ZNF875: variants seen among roughly 807,000 people sequenced by gnomAD.
The protein encoded by ZNF875 is HKR1, GLI-Kruppel zinc finger family member.
Under a neutral mutation model 11.2 loss-of-function variants are expected in ZNF875, and 14 were observed. The observed-to-expected ratio is 1.26, with a 90% CI of 0.83 to 1.96. The LOEUF is 1.96. Ranked by LOEUF, ZNF875 falls within the 30% of genes most tolerant of loss-of-function variation. The pLI, the probability that ZNF875 is intolerant of heterozygous loss-of-function variation, is 0.00. For synonymous variants in ZNF875, 301 were observed against 281.1 expected (o/e 1.07, Z -0.71); for missense variants, 752 against 760.4 (o/e 0.99, Z 0.13).
chr19:37,314,599 G>A (rs781222345), upstream of ZNF875, among the ~76,000 whole-genome samples: 4 of 151,492 alleles, frequency 2.6e-5, no homozygotes, highest in African/African-American at 9.7e-5. Context: ...AAAAGGTGGG[G>A]GACTCACTTG....
intron 2 of ZNF875, among the ~76,000 whole-genome samples, chr19:37,336,605 T>G (rs1247972217): frequency 6.6e-6 from 1 of 151,214 alleles, no homozygotes; most frequent in African/African-American, 2.4e-5. Flanking sequence ...CGGCTACCTA[T>G]GCATATTTAA....
exon 1 of ZNF875, chr19:37,317,932 G>A (rs1199285163): frequency 6.5e-6 from 1 of 154,912 alleles, no homozygotes; most frequent in Non-Finnish European, 1.4e-5. Flanking sequence ...TGGCGTCCGA[G>A]TGCACAGTGG....
chr19:37,339,564 T>TC (rs11454274), intron 2 of ZNF875, among the ~76,000 whole-genome samples: 3 of 148,472 alleles, frequency 2.0e-5, no homozygotes, highest in Non-Finnish European at 4.5e-5. Flanking sequence ...TTTTTTTTTT[T>TC]GAGACAGAGT....
chr19:37,335,089 G>A, intron 1 of ZNF875, 80 bp from the exon 2 acceptor site: 1 of 630,814 alleles, frequency 1.6e-6, no homozygotes, highest in East Asian at 2.9e-5. Flanking sequence ...CCAACTGTGG[G>A]GCTCTGGAGC....
intron 4 of ZNF875, among the ~76,000 whole-genome samples, chr19:37,356,334 T>G (rs566304738): frequency 9.8e-5 from 15 of 152,328 alleles, no homozygotes; most frequent in African/African-American, 3.6e-4. Flanking sequence ...CTTGAGAAAT[T>G]TCCATACTGT....
In ZNF875 at chr19:37,319,618, T is replaced by G. The variant is rs544196013; in HGVS notation, c.-747+1432T>G. 1.3e-4 allele frequency among the ~76,000 whole-genome samples: 20 copies of G among 152,154 alleles called. No individual in the cohort carries two copies. In the South Asian group the frequency reaches 4.1e-3, roughly 32 times the overall value. On this transcript the variant is annotated intron_variant, in intron 1 of 5. Coordinates refer to the ZNF875 transcript ENST00000544914. ...AAATTAAGCTATGTTTTTGTGGTTA[T>G]GTGAGAGCTGTGGAAATGTCCAGCA...
intron 1 of ZNF875, among the ~76,000 whole-genome samples, chr19:37,321,886 G>GA (rs2031542053): frequency 6.6e-6 from 1 of 152,150 alleles, no homozygotes; most frequent in Non-Finnish European, 1.5e-5. Flanking sequence ...TAATATGTCA[G>GA]AAAAAATTAA....
intron 2 of ZNF875, among the ~76,000 whole-genome samples, chr19:37,322,683 C>T (rs2145694591): frequency 6.6e-6 from 1 of 152,248 alleles, no homozygotes; most frequent in African/African-American, 2.4e-5. Flanking sequence ...AAGTGCCTGG[C>T]CCTTGTCTGG....
upstream of ZNF875, among the ~76,000 whole-genome samples, chr19:37,314,706 G>A (rs1207184402): frequency 2.0e-5 from 3 of 149,470 alleles, no homozygotes; most frequent in South Asian, 2.1e-4. Context: ...AGCTGAGATC[G>A]TGCCACTGCA....
intron 2 of ZNF875, among the ~76,000 whole-genome samples, chr19:37,344,332 C>T (rs943627494): frequency 6.6e-6 from 1 of 152,144 alleles, no homozygotes; most frequent in African/African-American, 2.4e-5. Context: ...CCCGCAATTT[C>T]TGATTCAGTA....
At chr19:37,322,544 G>C (rs192177122) in intron 2 of ZNF875, among the ~76,000 whole-genome samples, 7 of 152,280 alleles carry the variant, frequency 4.6e-5, no homozygotes, top group Admixed American at 3.9e-4. Flanking sequence ...ATATGCCTGG[G>C]ACTCTGGCTT....
intron 1 of ZNF875, among the ~76,000 whole-genome samples, chr19:37,321,127 G>A (rs1454094746): frequency 6.6e-6 from 1 of 152,092 alleles, no homozygotes; most frequent in East Asian, 1.9e-4. Context: ...TATTGTCCAA[G>A]GTTTCTCCCC....
At chr19:37,361,318 C>T (rs2039874064) in intron 4 of ZNF875, among the ~76,000 whole-genome samples, 1 of 152,074 alleles carries the variant, frequency 6.6e-6, no homozygotes, top group African/African-American at 2.4e-5. Context: ...GCCATGTTGG[C>T]CAGGATGGTC....
chr19:37,321,537 A>G (rs990592497), intron 1 of ZNF875, among the ~76,000 whole-genome samples: 1 of 152,168 alleles, frequency 6.6e-6, no homozygotes, highest in African/African-American at 2.4e-5. Flanking sequence ...CAGTGCCAGC[A>G]TGGGTCCTCT....
chr19:37,316,409 G>A (rs2030192029), upstream of ZNF875, among the ~76,000 whole-genome samples: 1 of 152,074 alleles, frequency 6.6e-6, no homozygotes, highest in African/African-American at 2.4e-5. Flanking sequence ...CGATCCTCTC[G>A]CCCAGGCTGG....
At chr19:37,330,195 TC>T (rs2033160479), upstream of ZNF875, among the ~76,000 whole-genome samples, 1 of 152,234 alleles carries the variant, frequency 6.6e-6, no homozygotes, top group Non-Finnish European at 1.5e-5. Context: ...TTATGATTTT[TC>T]CATACAGTGT....
upstream of ZNF875, among the ~76,000 whole-genome samples, chr19:37,331,910 G>A (rs1421864372): frequency 4.5e-5 from 6 of 132,664 alleles, no homozygotes; most frequent in African/African-American, 1.3e-4. Context: ...TCTCCTGCCC[G>A]TCCCTGGGCA....
intron 4 of ZNF875, among the ~76,000 whole-genome samples, chr19:37,348,584 T>C (rs561812705): frequency 1.7e-4 from 26 of 152,360 alleles, no homozygotes; most frequent in African/African-American, 5.3e-4. Context: ...TTTTGTACTA[T>C]GTTGGTATAT....
rs58161350 is a variant in ZNF875 at position 37,319,341 on chromosome 19, C to T, written c.-747+1155C>T. 1.8e-3 allele frequency among the ~76,000 whole-genome samples: 101 copies of T among 55,028 alleles called. 3 individuals carry two copies. Among genetic ancestry groups the T allele is most frequent in the Middle Eastern group, 0.011 (1 of 94 alleles). 36.1% of individuals were successfully genotyped at this position (55,028 alleles called of 152,430 possible). On this transcript the variant is annotated intron_variant, in intron 1 of 5. Transcript: ENST00000544914. ...GATTACAGGTGTGCTCCACTGCAGC[C>T]GGCATATATATATATATATATATAT...
Sources: allele counts gnomAD v4.1 joint callset (sites outside exome capture counted in the v4.1 genomes callset), GRCh38; gene constraint gnomAD v4.1.1; transcripts MANE v1.5; gene names NCBI Gene and HGNC (gene_info 2026-07-23, HGNC 2026-07-21).